The following KIAA1671 variants were observed in gnomAD, a reference collection of about 807,000 sequenced individuals.
KIAA1671 encodes uncharacterized protein KIAA1671.
Under a neutral mutation model 131.2 loss-of-function variants are expected in KIAA1671, and 52 were observed. The observed-to-expected ratio is 0.40, with a 90% CI of 0.32 to 0.50. KIAA1671 has a LOEUF of 0.50. Among genes scored for constraint, KIAA1671 ranks in the 20% least tolerant of loss-of-function variants. The probability of loss-of-function intolerance (pLI) is 0.73; values close to 1 mark genes in which losing one functional copy is unlikely to be tolerated. For synonymous variants in KIAA1671, 1,003 were observed against 961.6 expected, an observed-to-expected ratio of 1.04 and a Z score of -0.80; for missense variants, 2,360 against 2,364.2, an observed-to-expected ratio of 1.00 and a Z score of 0.04.
intron 4 of KIAA1671, 92 bp from the exon 5 acceptor site, chr22:25,038,668 T>C (rs1602088620): frequency 7.8e-7 from 1 of 1,275,884 alleles, no homozygotes; most frequent in Non-Finnish European, 1.1e-6. Flanking sequence ...GTTTTAATTA[T>C]ACAAGCAGCC....
At chr22:24,953,756 G>A (rs772008166) in intron 1 of KIAA1671, among the ~76,000 whole-genome samples, 1 of 152,182 alleles carries the variant, frequency 6.6e-6, no homozygotes, top group Admixed American at 6.5e-5. Context: ...CGGAGCAGGC[G>A]TGTGACCTCC....
At chr22:24,995,273 CG>C (rs1455143161) in intron 1 of KIAA1671, among the ~76,000 whole-genome samples, 1 of 151,750 alleles carries the variant, frequency 6.6e-6, no homozygotes, top group Non-Finnish European at 1.5e-5. Flanking sequence ...AGGATGGTCT[CG>C]ATCTCCTGAC....
At chr22:24,953,151 CAG>C (rs2123786650) in intron 1 of KIAA1671, among the ~76,000 whole-genome samples, 1 of 151,808 alleles carries the variant, frequency 6.6e-6, no homozygotes, top group African/African-American at 2.4e-5. Flanking sequence ...GATCCCCAGT[CAG>C]GGGTGACGGC....
intron 3 of KIAA1671, among the ~76,000 whole-genome samples, chr22:25,030,575 T>C (rs952416277): frequency 1.3e-5 from 2 of 152,116 alleles, no homozygotes; most frequent in African/African-American, 2.4e-5. Flanking sequence ...AAAGATATTC[T>C]TAGTCATTTG....
chr22:25,152,525 C>T (rs886278373), intron 6 of KIAA1671, among the ~76,000 whole-genome samples: 2 of 152,176 alleles, frequency 1.3e-5, no homozygotes, highest in African/African-American at 4.8e-5. Flanking sequence ...TCAGTTTTCT[C>T]CTGTATAAAT....
At position 25,035,539 on chromosome 22, in the gene KIAA1671, C is replaced by T. The variant is rs1926542666; in HGVS notation, c.1629+2843C>T. Among the ~76,000 whole-genome samples the T allele has an allele frequency of 2.6e-5, 4 of 152,206 alleles. No individual in the cohort carries two copies. In the South Asian group the frequency reaches 8.3e-4, roughly 32 times the overall value. ...GGCTGGCTTTGAATGGCAATACCCACCACCACTCTTGGAGGCAGCGGTTTG... is the reference window on the plus strand; with the variant it reads ...GGCTGGCTTTGAATGGCAATACCCATCACCACTCTTGGAGGCAGCGGTTTG... On this transcript the variant is annotated intron_variant, in intron 4 of 12. Transcript: ENST00000358431.
At chr22:25,162,137 G>C (rs1399922168) in intron 6 of KIAA1671, among the ~76,000 whole-genome samples, 6 of 152,186 alleles carry the variant, frequency 3.9e-5, no homozygotes, top group African/African-American at 1.2e-4. Context: ...GGCTTCTTGG[G>C]AGCTTTCCAT....
intron 10 of KIAA1671, among the ~76,000 whole-genome samples, chr22:25,182,693 CT>C (rs1476228501): frequency 6.6e-6 from 1 of 152,218 alleles, no homozygotes; most frequent in African/African-American, 2.4e-5. Flanking sequence ...CCCAAACCTG[CT>C]GCTCTGGTGT....
rs1932647997 is a variant in KIAA1671 at position 25,135,748 on chromosome 22, ATCCTCTTGGGCTG to A, written c.4531-35064_4531-35052del. Among the ~76,000 whole-genome samples the A allele has an allele frequency of 2.6e-5, 4 of 152,214 alleles. No homozygotes were observed. In the South Asian group the frequency reaches 8.3e-4, roughly 31 times the overall value. On this transcript the variant is annotated intron_variant, in intron 6 of 12. Coordinates refer to ENST00000358431, the MANE Select transcript of KIAA1671 (RefSeq NM_001145206.2). ...CTCCAGAAAAGGACAGGGAGAGCAC[ATCCTCTTGGGCTG>A]TCCTCTTTGGTTCTGCGTTTCCAGT...
At chr22:25,149,589 G>C (rs1932969101) in intron 6 of KIAA1671, among the ~76,000 whole-genome samples, 2 of 151,736 alleles carry the variant, frequency 1.3e-5, no homozygotes, top group Admixed American at 1.3e-4. Flanking sequence ...CCCAAGATTG[G>C]ACCCTGGAAG....
At position 25,041,106 on chromosome 22, in the gene KIAA1671, G is replaced by A; in HGVS notation, c.3976G>A (p.Glu1326Lys). The change falls in exon 5 of 13, where the codon GAG (glutamate) becomes AAG (lysine). Residue 1326 changes from glutamate (E) to lysine (K), a missense_variant. Glu to Lys is a moderately conservative substitution (Grantham distance 56). Coordinates refer to ENST00000358431, the MANE Select transcript of KIAA1671 (RefSeq NM_001145206.2). ...ADPRKKTGFA[E>K]DDRKAFASKH... Reference sequence around the variant, plus strand: ...TCCCAGGAAAAAAACGGGGTTTGCTGAGGATGACAGAAAGGCCTTTGCCAG... The same window carrying A: ...TCCCAGGAAAAAAACGGGGTTTGCTAAGGATGACAGAAAGGCCTTTGCCAG... 1 of 1,546,930 alleles carries A rather than the reference G, an allele frequency of 6.5e-7. No individual in the cohort carries two copies. Among genetic ancestry groups the A allele is most frequent in the Non-Finnish European group, 8.7e-7 (1 of 1,144,184 alleles).
rs920079323 is a variant in KIAA1671 at position 24,952,899 on chromosome 22, G to C, written c.-208+127G>C. 1.3e-5 allele frequency: 2 copies of C among 152,224 alleles called. No individual in the cohort carries two copies. The highest frequency in any genetic ancestry group is 6.5e-5 in the Admixed American group (1 of 15,284). 9.4% of individuals were successfully genotyped at this position (152,224 alleles called of 1,614,324 possible). A position where few individuals can be genotyped will look rare whatever the true frequency, so the allele number is the denominator to read the frequency against. ...AGTTTCTGCCCGGCCGAGGCCCCGG[G>C]AGAAAAGTTGGCAAAGTTGGCCGGG... On this transcript the variant is annotated intron_variant, in intron 1 of 12. Coordinates refer to ENST00000358431, the MANE Select transcript of KIAA1671 (RefSeq NM_001145206.2). The surrounding 1 kb of genome is among the most constrained non-coding windows in gnomAD (Gnocchi z 4.5).
At chr22:24,963,753 A>T (rs891867701) in intron 1 of KIAA1671, among the ~76,000 whole-genome samples, 1 of 151,626 alleles carries the variant, frequency 6.6e-6, no homozygotes, top group Non-Finnish European at 1.5e-5. Flanking sequence ...ATCCTGGCTA[A>T]CATGGTGAAA....
chr22:25,184,680 G>A (rs942889588), intron 10 of KIAA1671, among the ~76,000 whole-genome samples: 2 of 152,140 alleles, frequency 1.3e-5, no homozygotes, highest in African/African-American at 4.8e-5. Context: ...TCCATGTAGA[G>A]TTCTCAGGGT....
intron 1 of KIAA1671, chr22:25,013,361 G>C (rs1925140400): frequency 6.6e-6 from 1 of 152,128 alleles, no homozygotes; most frequent in Non-Finnish European, 1.5e-5. Context: ...TATTGACTAG[G>C]TTGATTGTTT....
At chr22:25,098,777 C>T (rs1883278) in intron 6 of KIAA1671, among the ~76,000 whole-genome samples, 64,856 of 151,932 alleles carry the variant, frequency 0.43, 15,192 homozygotes, top group African/African-American at 0.63. Flanking sequence ...GGAGTGACAC[C>T]CCTTTGTCAA....
At chr22:25,117,308 G>C (rs1023975980) in intron 6 of KIAA1671, among the ~76,000 whole-genome samples, 1 of 152,068 alleles carries the variant, frequency 6.6e-6, no homozygotes, top group African/African-American at 2.4e-5. Context: ...TGCCCCTGTG[G>C]GGTATAGCCC....
intron 1 of KIAA1671, among the ~76,000 whole-genome samples, chr22:25,019,089 TG>T (rs1925513910): frequency 1.7e-4 from 26 of 151,152 alleles, no homozygotes; most frequent in African/African-American, 5.9e-4. Context: ...TGTGTGTGTG[TG>T]TGTTTTAATT....
Position 24,959,653 on chromosome 22 carries a change from G to A in KIAA1671, c.-208+6881G>A, listed in dbSNP as rs557799444. On this transcript the variant is annotated intron_variant, in intron 1 of 12. Coordinates refer to ENST00000358431, the MANE Select transcript of KIAA1671 (RefSeq NM_001145206.2). ...TATGTGGGCAAGGCACTCTATTTGT[G>A]AAAAATTCAAAAGATCACCTGCCCT... Among the ~76,000 whole-genome samples the A allele has an allele frequency of 2.6e-4, 39 of 152,270 alleles. 1 individual carries two copies. The South Asian group carries it at 7.5e-3, about 29-fold the overall frequency.
Sources: gnomAD v4.1 joint callset for allele counts (sites outside exome capture counted in the v4.1 genomes callset) on GRCh38, gnomAD v4.1.1 for gene constraint, Gnocchi (gnomAD v3.1) non-coding constraint, MANE v1.5 for transcripts, NCBI Gene and HGNC (gene_info 2026-07-23, HGNC 2026-07-21) for gene names.